PDE1B: variants seen among roughly 807,000 people sequenced by gnomAD.
PDE1B encodes the protein dual specificity calcium/calmodulin-dependent 3',5'-cyclic nucleotide phosphodiesterase 1B.
In PDE1B, 13 loss-of-function variants were observed where a neutral mutation model predicts 66.7. That is an observed-to-expected ratio of 0.19 (90% CI 0.13 to 0.31). PDE1B has a LOEUF of 0.31. Among genes scored for constraint, PDE1B ranks in the 10% least tolerant of loss-of-function variants. The pLI, the probability that PDE1B is intolerant of heterozygous loss-of-function variation, is 1.00. For synonymous variants in PDE1B, 230 were observed against 253.9 expected (o/e 0.91, Z 0.90); for missense variants, 485 against 682.3 (o/e 0.71, Z 3.22).
chr12:54,572,674 A>G lies in PDE1B; in HGVS notation c.668A>G (p.His223Arg). The change falls in exon 7 of 16, where the codon CAC (histidine) becomes CGC (arginine). Residue 223 changes from histidine (H) to arginine (R), a missense_variant. Coordinates refer to ENST00000243052, the MANE Select transcript of PDE1B (RefSeq NM_000924.4). ...TATGGGAAGTACAAGAATCCTTACCACAACCAGATCCACGCAGCCGATGTT... is the reference window on the plus strand; with the variant it reads ...TATGGGAAGTACAAGAATCCTTACCGCAACCAGATCCACGCAGCCGATGTT... The part of the protein sequence containing the change: ...TGYGKYKNPY[H>R]NQIHAADVTQ... The G allele has an allele frequency of 6.2e-7, 1 of 1,614,110 alleles. No homozygotes were observed. The highest frequency in any genetic ancestry group is 8.5e-7 in the Non-Finnish European group (1 of 1,179,948).
chr12:54,573,651 A>G lies in PDE1B; in HGVS notation c.1006A>G (p.Met336Val). The change falls in exon 10 of 16, where the codon ATG becomes GTG. Residue 336 changes from methionine (M) to valine (V), a missense_variant. By Grantham distance (21) the Met-to-Val change is conservative. Transcript: ENST00000243052. The surrounding 1 kb of genome is among the most constrained non-coding windows in gnomAD (Gnocchi z 5.2). ...CATTGAGATGGTGTTGGCCACAGAC[A>G]TGTCCTGCCATTTCCAGCAAGTGAA... ...LVIEMVLATD[M>V]SCHFQQVKTM... 6.2e-7 allele frequency: 1 copy of G among 1,614,128 alleles called. No homozygotes were observed. The highest frequency in any genetic ancestry group is 2.2e-5 in the East Asian group (1 of 44,868).
intron 1 of PDE1B, 35 bp from the exon 2 acceptor site, chr12:54,549,825 G>A (rs1957248077): frequency 1.4e-6 from 2 of 1,451,774 alleles, no homozygotes; most frequent in Non-Finnish European, 9.6e-7. Flanking sequence ...GGCTGAAGCT[G>A]AGCCGAGGTG....
chr12:54,550,719 A>C (rs1234801577), intron 2 of PDE1B, among the ~76,000 whole-genome samples: 1 of 152,192 alleles, frequency 6.6e-6, no homozygotes, highest in Non-Finnish European at 1.5e-5. Flanking sequence ...TTGTTTATAT[A>C]GGGTCTTCCA....
chr12:54,568,006 C>G (rs1039753574), intron 3 of PDE1B, among the ~76,000 whole-genome samples: 1 of 152,278 alleles, frequency 6.6e-6, no homozygotes, highest in East Asian at 1.9e-4. Flanking sequence ...CAGGCATGTG[C>G]CACTACGCCC....
Position 54,573,383 on chromosome 12 carries a change from C to A in PDE1B, c.865C>A (p.Arg289Ser). 1 of 1,614,012 alleles carries A rather than the reference C, an allele frequency of 6.2e-7. No individual in the cohort carries two copies. The highest frequency in any genetic ancestry group is 1.1e-5 in the South Asian group (1 of 91,078). ...AGAATGTGCCATCGTGTACAATGATCGTTCAGTGCTGGAGAATCACCACAT... is the reference window on the plus strand; with the variant it reads ...AGAATGTGCCATCGTGTACAATGATAGTTCAGTGCTGGAGAATCACCACAT... ...KSECAIVYND[R>S]SVLENHHISS... Residue 289 changes from arginine (R) to serine (S), a missense_variant, in exon 9 of 16, where the codon CGT becomes AGT. Physicochemically the swap from Arg to Ser is moderately radical, Grantham distance 110. Around this residue, in one of 4 missense-constraint regions of PDE1B, gnomAD observed 282 missense variants for 453.4 expected, o/e 0.62. Coordinates refer to ENST00000243052, the MANE Select transcript of PDE1B (RefSeq NM_000924.4). The surrounding 1 kb of genome is among the most constrained non-coding windows in gnomAD (Gnocchi z 5.2).
In PDE1B at chr12:54,549,764, C is replaced by T. The variant is rs1288376302; in HGVS notation, c.-22C>T. On this transcript the variant is annotated 5_prime_UTR_variant, in exon 1 of 16. Coordinates refer to ENST00000243052, the MANE Select transcript of PDE1B (RefSeq NM_000924.4). ...AGACACCGGCCTGGCTGGTCCACGC[C>T]AGCCGCAGGTGGGAAGGGCCTGGGA... The T allele has an allele frequency of 7.2e-6, 6 of 836,418 alleles. No homozygotes were observed. The highest frequency in any genetic ancestry group is 1.2e-5 in the Non-Finnish European group (6 of 518,482). 51.8% of individuals were successfully genotyped at this position (836,418 alleles called of 1,614,324 possible).
rs1957673504 is a variant in PDE1B at position 54,573,911 on chromosome 12, G to GTGTT, written c.1064+203_1064+204insGTTT. Reference sequence around the variant, plus strand: ...TGTGTGTGTGTGTGTGTGTGTGTGTGTCCTTACGTTTACTCACAGCCTTGG... The same window carrying GTGTT: ...TGTGTGTGTGTGTGTGTGTGTGTGTGTGTTTCCTTACGTTTACTCACAGCCTTGG... On this transcript the variant is annotated intron_variant, in intron 10 of 15. Transcript: ENST00000243052. The surrounding 1 kb of genome is among the most constrained non-coding windows in gnomAD (Gnocchi z 5.2). 9.4e-5 allele frequency: 48 copies of GTGTT among 509,284 alleles called. No individual in the cohort carries two copies. Among genetic ancestry groups the GTGTT allele is most frequent in the Non-Finnish European group, 1.4e-4 (41 of 283,654 alleles). 31.5% of individuals were successfully genotyped at this position (509,284 alleles called of 1,614,324 possible).
chr12:54,576,155 G>T, intron 13 of PDE1B, 55 bp downstream of exon 13: 1 of 1,104,188 alleles, frequency 9.1e-7, no homozygotes, highest in South Asian at 1.2e-5. Flanking sequence ...GTGGTAGGGA[G>T]GGATTTGGAC....
At position 54,575,347 on chromosome 12, in the gene PDE1B, T is replaced by G; in HGVS notation, c.1185+129T>G. On this transcript the variant is annotated intron_variant, in intron 11 of 15. Coordinates refer to ENST00000243052, the MANE Select transcript of PDE1B (RefSeq NM_000924.4). The surrounding 1 kb of genome is among the most constrained non-coding windows in gnomAD (Gnocchi z 4.0). ...AGTCTCTGACCTGATCCCAAATCCT[T>G]GGGGTAAAACCCCATTATCCTAAAA... 1.1e-6 allele frequency: 1 copy of G among 891,908 alleles called. No individual in the cohort carries two copies. The highest frequency in any genetic ancestry group is 1.8e-6 in the Non-Finnish European group (1 of 549,806). The allele number at this position is 891,908 out of a possible 1,614,324, so 55.2% of individuals were successfully genotyped here. A position where few individuals can be genotyped will look rare whatever the true frequency, so the allele number is the denominator to read the frequency against.
chr12:54,556,867 G>A (rs574291542), intron 2 of PDE1B, among the ~76,000 whole-genome samples: 1 of 152,030 alleles, frequency 6.6e-6, no homozygotes, highest in East Asian at 1.9e-4. Flanking sequence ...TTGGCTGGTG[G>A]GGGGTTGAGG....
chr12:54,574,128 G>C, intron 10 of PDE1B: 1 of 206,106 alleles, frequency 4.9e-6, no homozygotes, highest in Middle Eastern at 1.9e-3. Flanking sequence ...TAGTCTCATA[G>C]GGCTATTGGG....
chr12:54,555,993 C>T (rs535205737), intron 2 of PDE1B, among the ~76,000 whole-genome samples: 1 of 152,100 alleles, frequency 6.6e-6, no homozygotes, highest in Non-Finnish European at 1.5e-5. Context: ...GCTATAGGTG[C>T]CCTCTGGGGC....
At chr12:54,551,707 C>G (rs998857459) in intron 2 of PDE1B, among the ~76,000 whole-genome samples, 2 of 152,256 alleles carry the variant, frequency 1.3e-5, no homozygotes, top group East Asian at 1.9e-4. Flanking sequence ...TAACCAAAAG[C>G]CTTTCCTGAA....
Position 54,575,231 on chromosome 12 carries a change from C to CTT in PDE1B, c.1185+15_1185+16dup, listed in dbSNP as rs756249548. 1 of 1,612,020 alleles carries CTT rather than the reference C, an allele frequency of 6.2e-7. No individual in the cohort carries two copies. The highest frequency in any genetic ancestry group is 1.1e-5 in the South Asian group (1 of 90,984). ...ATTCTTCCGTCAGGTAGCGTGGCAT[C>CTT]TTTGCCTTCCCTGTGCCTATGGGGG... On this transcript the variant is annotated intron_variant, in intron 11 of 15. Transcript: ENST00000243052. The surrounding 1 kb of genome is among the most constrained non-coding windows in gnomAD (Gnocchi z 4.0).
intron 2 of PDE1B, among the ~76,000 whole-genome samples, chr12:54,565,276 C>G (rs773742245): frequency 6.6e-6 from 1 of 152,186 alleles, no homozygotes; most frequent in Non-Finnish European, 1.5e-5. Flanking sequence ...GAAGAAGAGG[C>G]CTTCTTTCCT....
chr12:54,569,961 A>C lies in PDE1B; in HGVS notation c.478-280A>C, dbSNP rs970131558. Among the ~76,000 whole-genome samples, 2 of 152,032 alleles carry C rather than the reference A, an allele frequency of 1.3e-5. No homozygotes were observed. Among genetic ancestry groups the C allele is most frequent in the African/African-American group, 4.8e-5 (2 of 41,376 alleles). On this transcript the variant is annotated intron_variant, in intron 5 of 15. Transcript: ENST00000243052. This position sits in a 1 kb window ranked among gnomAD's most constrained non-coding sequence, Gnocchi z 4.4. ...GTGTTCTGCCCACCTCGGTCTCCCA[A>C]AGTATTGGGATTACAGACGTGAGCC...
chr12:54,553,552 T>A (rs1957305803), intron 2 of PDE1B, among the ~76,000 whole-genome samples: 1 of 152,180 alleles, frequency 6.6e-6, no homozygotes, highest in African/African-American at 2.4e-5. Flanking sequence ...ACCTTGAACA[T>A]AACAGGCACT....
At chr12:54,565,911 T>C (rs558068218) in intron 2 of PDE1B, among the ~76,000 whole-genome samples, 1 of 152,338 alleles carries the variant, frequency 6.6e-6, no homozygotes, top group South Asian at 2.1e-4. Flanking sequence ...TTCTCCTCCC[T>C]GACTCATAGG....
intron 2 of PDE1B, among the ~76,000 whole-genome samples, chr12:54,559,117 C>T (rs1049443982): frequency 2.6e-5 from 4 of 152,106 alleles, no homozygotes; most frequent in Admixed American, 2.0e-4. Context: ...TATAAACTTA[C>T]GCCCTCTTTC....
Sources: allele counts gnomAD v4.1 joint callset (sites outside exome capture counted in the v4.1 genomes callset), GRCh38; gene constraint gnomAD v4.1.1; regional missense constraint gnomAD v4.1.1; non-coding constraint Gnocchi (gnomAD v3.1); transcripts MANE v1.5; gene names NCBI Gene and HGNC (gene_info 2026-07-23, HGNC 2026-07-21).